The following FBXL17 variants were observed in gnomAD, a reference collection of about 807,000 sequenced individuals.
FBXL17 encodes F-box and leucine rich repeat protein 17.
A neutral mutation model predicts 66.2 loss-of-function variants in FBXL17; 22 were observed. That is an observed-to-expected ratio of 0.33 (90% CI 0.24 to 0.47). The LOEUF (loss-of-function observed/expected upper bound fraction) is 0.47. Among genes scored for constraint, FBXL17 ranks in the 20% least tolerant of loss-of-function variants. The probability of loss-of-function intolerance (pLI) is 1.00; values close to 1 mark genes in which losing one functional copy is unlikely to be tolerated. For missense variants in FBXL17, 878 were observed against 948.2 expected, an observed-to-expected ratio of 0.93 and a Z score of 0.97; for synonymous variants, 474 against 400.5, an observed-to-expected ratio of 1.18 and a Z score of -2.19.
intron 3 of FBXL17, among the ~76,000 whole-genome samples, chr5:108,363,758 T>A (rs1037724449): frequency 2.6e-5 from 4 of 151,984 alleles, no homozygotes; most frequent in South Asian, 2.1e-4. Flanking sequence ...GAATTAAATA[T>A]GAAATAGATT....
intron 6 of FBXL17, among the ~76,000 whole-genome samples, chr5:108,129,874 T>A (rs1015525928): frequency 2.0e-5 from 3 of 152,026 alleles, no homozygotes; most frequent in Non-Finnish European, 4.4e-5. Context: ...AAGAGGCTGC[T>A]GCAGTTCTTT....
chr5:108,043,658 T>A (rs903754364), intron 6 of FBXL17, among the ~76,000 whole-genome samples: 1 of 152,182 alleles, frequency 6.6e-6, no homozygotes, highest in South Asian at 2.1e-4. Context: ...ATTGAGTAAA[T>A]GTATTCCCCC....
At chr5:108,145,451 T>C (rs145305490) in intron 6 of FBXL17, among the ~76,000 whole-genome samples, 1 of 152,284 alleles carries the variant, frequency 6.6e-6, no homozygotes, top group African/African-American at 2.4e-5. Flanking sequence ...ACATCTTCCA[T>C]TTTATCTCCC....
intron 4 of FBXL17, chr5:108,301,960 C>A (rs1449560513): frequency 1.1e-6 from 1 of 908,834 alleles, no homozygotes; most frequent in Admixed American, 6.2e-5. Context: ...AACAGGATAA[C>A]TAATTTTAAG....
At chr5:108,271,540 G>A (rs921296613) in intron 4 of FBXL17, among the ~76,000 whole-genome samples, 2 of 152,176 alleles carry the variant, frequency 1.3e-5, no homozygotes, top group African/African-American at 2.4e-5. Flanking sequence ...TCAAGGATGG[G>A]CAGCTACCAT....
intron 7 of FBXL17, among the ~76,000 whole-genome samples, chr5:108,009,232 T>TAC (rs1554056550): frequency 1.1e-4 from 2 of 18,998 alleles, no homozygotes; most frequent in Non-Finnish European, 2.3e-4. Context: ...TATATATATA[T>TAC]ACAGCTTGGT....
chr5:108,364,726 G>A lies in FBXL17; in HGVS notation c.1374+12C>T, dbSNP rs766608138. On this transcript the variant is annotated intron_variant, in intron 3 of 8. Coordinates refer to ENST00000542267, the MANE Select transcript of FBXL17 (RefSeq NM_001163315.3). ...ATTCAAGTAAAATCACTTTATAAAT[G>A]CTAAAATTTACCTGCTTGAGTCCTT... The A allele has an allele frequency of 1.3e-6, 2 of 1,582,848 alleles. No homozygotes were observed. Among genetic ancestry groups the A allele is most frequent in the Non-Finnish European group, 1.7e-6 (2 of 1,161,984 alleles).
chr5:108,198,067 G>A (rs1358148244), intron 5 of FBXL17, among the ~76,000 whole-genome samples: 2 of 152,090 alleles, frequency 1.3e-5, no homozygotes, highest in African/African-American at 4.8e-5. Context: ...CAATCTTTGG[G>A]TCTTCCACAC....
At chr5:108,363,576 C>T (rs1338699729) in intron 3 of FBXL17, among the ~76,000 whole-genome samples, 2 of 151,978 alleles carry the variant, frequency 1.3e-5, no homozygotes, top group East Asian at 1.9e-4. Flanking sequence ...AGAAGATTTA[C>T]ATAATTACTC....
intron 6 of FBXL17, among the ~76,000 whole-genome samples, chr5:108,154,906 G>A (rs1751937158): frequency 6.6e-6 from 1 of 151,400 alleles, no homozygotes; most frequent in Admixed American, 6.6e-5. Context: ...CAAGAAACGG[G>A]ATTTCCATAA....
chr5:108,265,010 T>C (rs940357193), intron 4 of FBXL17, among the ~76,000 whole-genome samples: 4 of 152,006 alleles, frequency 2.6e-5, no homozygotes, highest in African/African-American at 9.7e-5. Flanking sequence ...CCATCCTCTA[T>C]ATTAAAAGAT....
intron 6 of FBXL17, among the ~76,000 whole-genome samples, chr5:108,117,897 G>C (rs973589115): frequency 1.3e-5 from 2 of 152,092 alleles, no homozygotes; most frequent in African/African-American, 4.8e-5. Context: ...AGCACAGTTT[G>C]GGAAGCCCTA....
chr5:107,903,942 A>T (rs546333839), intron 7 of FBXL17, among the ~76,000 whole-genome samples: 2 of 152,198 alleles, frequency 1.3e-5, no homozygotes, highest in Non-Finnish European at 2.9e-5. Context: ...AGAAGTATTG[A>T]TTATACGATC....
chr5:108,225,952 C>A (rs1300275055), intron 4 of FBXL17, among the ~76,000 whole-genome samples: 3 of 152,142 alleles, frequency 2.0e-5, no homozygotes, highest in Non-Finnish European at 2.9e-5. Flanking sequence ...CTCTTGGTCA[C>A]TTGGTTGAGT....
intron 6 of FBXL17, among the ~76,000 whole-genome samples, chr5:108,049,335 A>G (rs1037758765): frequency 6.6e-6 from 1 of 151,758 alleles, no homozygotes; most frequent in Non-Finnish European, 1.5e-5. Flanking sequence ...TCTTTAGTAC[A>G]GATGGGGTTT....
intron 7 of FBXL17, among the ~76,000 whole-genome samples, chr5:107,984,074 A>G (rs564947064): frequency 6.6e-6 from 1 of 152,278 alleles, no homozygotes; most frequent in Admixed American, 6.5e-5. Flanking sequence ...ATTAATTTCT[A>G]TCACAGGCAG....
At chr5:108,204,714 C>A (rs1439409726) in intron 5 of FBXL17, among the ~76,000 whole-genome samples, 1 of 152,088 alleles carries the variant, frequency 6.6e-6, no homozygotes, top group Non-Finnish European at 1.5e-5. Flanking sequence ...AAGCATTTTC[C>A]ATGTCATTAC....
At chr5:107,877,826 AC>A (rs1028701468) in intron 8 of FBXL17, among the ~76,000 whole-genome samples, 22 of 152,134 alleles carry the variant, frequency 1.4e-4, no homozygotes, top group Non-Finnish European at 3.2e-4. Context: ...GAGAAAAGTG[AC>A]AGGGCCAAAT....
At chr5:108,132,544 A>G (rs952733125) in intron 6 of FBXL17, among the ~76,000 whole-genome samples, 1 of 152,236 alleles carries the variant, frequency 6.6e-6, no homozygotes, top group African/African-American at 2.4e-5. Flanking sequence ...TGTTGTATGT[A>G]TAACAAACAT....
Sources: gnomAD v4.1 joint callset for allele counts (sites outside exome capture counted in the v4.1 genomes callset) on GRCh38, gnomAD v4.1.1 for gene constraint, MANE v1.5 for transcripts, NCBI Gene and HGNC (gene_info 2026-07-23, HGNC 2026-07-21) for gene names.